The following ADARB2 variants were observed in gnomAD, a reference collection of about 807,000 sequenced individuals.
ADARB2 encodes inactive double-stranded RNA-specific editase B2.
Under a neutral mutation model 62.2 loss-of-function variants are expected in ADARB2, and 25 were observed. The ratio of observed to expected loss-of-function variants is 0.40; its 90% confidence interval spans 0.29 to 0.56. ADARB2 has a LOEUF of 0.56. Among genes scored for constraint, ADARB2 ranks in the 20% least tolerant of loss-of-function variants. ADARB2 has a pLI of 0.43. For synonymous variants in ADARB2, 572 were observed against 500.8 expected (o/e 1.14, Z -1.90); for missense variants, 1,071 against 1,077.4 (o/e 0.99, Z 0.08).
At chr10:1,530,213 G>A (rs572299460) in intron 1 of ADARB2, among the ~76,000 whole-genome samples, 10 of 152,338 alleles carry the variant, frequency 6.6e-5, no homozygotes, top group South Asian at 6.2e-4. Flanking sequence ...GCATGCAGCC[G>A]AGTTGCCCGA....
chr10:1,248,046 C>T (rs1054255506), intron 4 of ADARB2, among the ~76,000 whole-genome samples: 1 of 152,218 alleles, frequency 6.6e-6, no homozygotes, highest in Non-Finnish European at 1.5e-5. Context: ...AAAGCCAGGC[C>T]GCCTTGCAGC....
At position 1,183,103 on chromosome 10, in the gene ADARB2, A is replaced by T; in HGVS notation, c.*90T>A. 6.9e-7 allele frequency: 1 copy of T among 1,444,628 alleles called. No individual in the cohort carries two copies. The highest frequency in any genetic ancestry group is 1.3e-5 in the South Asian group (1 of 75,978). The allele number at this position is 1,444,628 out of a possible 1,614,324, so 89.5% of individuals were successfully genotyped here. On this transcript the variant is annotated 3_prime_UTR_variant, in exon 10 of 10. Coordinates refer to ENST00000381312, the MANE Select transcript of ADARB2 (RefSeq NM_018702.4). The stretch of plus-strand genomic sequence containing the variant: ...TGGGACACCAAAGTAAAACGAATGC[A>T]GGGAACCGGCCGACCCGCCACGTCG...
chr10:1,268,538 T>A (rs535906117), intron 4 of ADARB2, among the ~76,000 whole-genome samples: 13 of 152,318 alleles, frequency 8.5e-5, no homozygotes, highest in African/African-American at 3.1e-4. Flanking sequence ...TTTAAAACAT[T>A]GTGACATATA....
At chr10:1,225,472 T>C (rs1469850618) in intron 6 of ADARB2, among the ~76,000 whole-genome samples, 3 of 152,224 alleles carry the variant, frequency 2.0e-5, no homozygotes, top group Non-Finnish European at 4.4e-5. Flanking sequence ...AGCTGGTTAT[T>C]TTGCTCATTA....
chr10:1,303,884 T>C (rs1448913401), intron 3 of ADARB2, among the ~76,000 whole-genome samples: 1 of 151,876 alleles, frequency 6.6e-6, no homozygotes, highest in Non-Finnish European at 1.5e-5. Flanking sequence ...GCACTAAACA[T>C]GGAAAGGAAC....
At chr10:1,722,223 T>A (rs936075084) in intron 1 of ADARB2, among the ~76,000 whole-genome samples, 2 of 152,192 alleles carry the variant, frequency 1.3e-5, no homozygotes, top group African/African-American at 2.4e-5. Context: ...AAATTGACAT[T>A]TGGGGCACTG....
intron 3 of ADARB2, among the ~76,000 whole-genome samples, chr10:1,310,993 G>A (rs1465271689): frequency 6.6e-6 from 1 of 152,200 alleles, no homozygotes; most frequent in Non-Finnish European, 1.5e-5. Context: ...ACATGATGTT[G>A]CCACTGGTCT....
chr10:1,275,024 C>G (rs539048887), intron 3 of ADARB2, among the ~76,000 whole-genome samples: 2 of 152,344 alleles, frequency 1.3e-5, no homozygotes, highest in African/African-American at 2.4e-5. Context: ...ACTCTCCGCA[C>G]CCTGCAGGCC....
At chr10:1,509,944 G>T (rs1038078443) in intron 1 of ADARB2, among the ~76,000 whole-genome samples, 1 of 152,082 alleles carries the variant, frequency 6.6e-6, no homozygotes, top group African/African-American at 2.4e-5. Flanking sequence ...TGCTTGCATT[G>T]CTTCTGAGGT....
At chr10:1,497,940 C>G (rs1831713473) in intron 1 of ADARB2, among the ~76,000 whole-genome samples, 2 of 151,632 alleles carry the variant, frequency 1.3e-5, no homozygotes, top group South Asian at 4.2e-4. Flanking sequence ...GAGAATAACT[C>G]AGTTTTAGAG....
At chr10:1,435,258 A>G (rs556353416) in intron 1 of ADARB2, among the ~76,000 whole-genome samples, 2 of 152,352 alleles carry the variant, frequency 1.3e-5, no homozygotes, top group African/African-American at 2.4e-5. Flanking sequence ...TGGTGAGACA[A>G]GAGCGGGGCT....
intron 1 of ADARB2, among the ~76,000 whole-genome samples, chr10:1,617,125 C>T (rs112672993): frequency 1.4e-5 from 2 of 143,306 alleles, no homozygotes; most frequent in African/African-American, 5.2e-5. Context: ...TCCAGACACA[C>T]TCTGCACTGC....
chr10:1,224,117 AT>A lies in ADARB2; in HGVS notation c.1514-6999del, dbSNP rs561890451. Among the ~76,000 whole-genome samples, 237 of 152,272 alleles carry A rather than the reference AT, an allele frequency of 1.6e-3. 1 individual carries two copies. Among genetic ancestry groups the A allele is most frequent in the African/African-American group, 5.4e-3 (226 of 41,554 alleles). Reference sequence around the variant, plus strand: ...CAATTTCAGAGCCTGTTATTGGTATATTCAGAGATTCAGCTTCTTCCTTGTT... The same window carrying A: ...CAATTTCAGAGCCTGTTATTGGTATATCAGAGATTCAGCTTCTTCCTTGTT... On this transcript the variant is annotated intron_variant, in intron 6 of 9. Coordinates refer to ENST00000381312, the MANE Select transcript of ADARB2 (RefSeq NM_018702.4).
intron 1 of ADARB2, among the ~76,000 whole-genome samples, chr10:1,668,469 C>G (rs1420029574): frequency 3.9e-5 from 6 of 152,130 alleles, no homozygotes; most frequent in African/African-American, 1.4e-4. Flanking sequence ...TAAGCATCTA[C>G]AAAGCTTGGA....
At position 1,514,241 on chromosome 10, in the gene ADARB2, T is replaced by C. The variant is rs900048593; in HGVS notation, c.101-135081A>G. Among the ~76,000 whole-genome samples, 16 of 138,324 alleles carry C rather than the reference T, an allele frequency of 1.2e-4. 1 individual carries two copies. Among genetic ancestry groups the C allele is most frequent in the Non-Finnish European group, 2.2e-4 (14 of 63,956 alleles). The allele number at this position is 138,324 out of a possible 152,430, so 90.7% of individuals were successfully genotyped here. On this transcript the variant is annotated intron_variant, in intron 1 of 9. Transcript: ENST00000381312. ...AAAAATACATAAATATATAAAAATA[T>C]ACTTGATATTGCTGATACAGAGGAC...
intron 1 of ADARB2, among the ~76,000 whole-genome samples, chr10:1,472,269 G>T (rs1216779151): frequency 1.3e-5 from 2 of 152,254 alleles, no homozygotes; most frequent in Non-Finnish European, 2.9e-5. Context: ...AGCTGACCAT[G>T]CATGAGGGGC....
At position 1,232,153 on chromosome 10, in the gene ADARB2, C is replaced by T. The variant is rs141619132; in HGVS notation, c.1513+1541G>A. On this transcript the variant is annotated intron_variant, in intron 6 of 9. Transcript: ENST00000381312. ...ATACACATATCACATACACCACACA[C>T]ACCACACACATAGCACACACACCGC... Among the ~76,000 whole-genome samples, 1,050 of 152,140 alleles carry T rather than the reference C, an allele frequency of 6.9e-3. 10 individuals carry two copies. Among genetic ancestry groups the T allele is most frequent in the South Asian group, 0.034 (165 of 4,818 alleles).
chr10:1,517,987 C>T (rs1225617958), intron 1 of ADARB2, among the ~76,000 whole-genome samples: 3 of 152,172 alleles, frequency 2.0e-5, no homozygotes, highest in African/African-American at 4.8e-5. Flanking sequence ...GGGCAAAATT[C>T]ACATCCCTAT....
At chr10:1,254,954 A>G (rs1831067598) in intron 4 of ADARB2, among the ~76,000 whole-genome samples, 1 of 152,248 alleles carries the variant, frequency 6.6e-6, no homozygotes, top group Non-Finnish European at 1.5e-5. Context: ...CAACTGTGTG[A>G]ACACGCTGTG....
Sources: gnomAD v4.1 joint callset for allele counts (sites outside exome capture counted in the v4.1 genomes callset) on GRCh38, gnomAD v4.1.1 for gene constraint, MANE v1.5 for transcripts, NCBI Gene and HGNC (gene_info 2026-07-23, HGNC 2026-07-21) for gene names.